Variants in TBC1D22A observed in about 807,000 individuals in gnomAD.
The protein encoded by TBC1D22A is putative GTPase activator.
TBC1D22A carries 38 observed loss-of-function variants against 60.2 expected under a neutral mutation model. The ratio of observed to expected loss-of-function variants is 0.63; its 90% CI spans 0.49 to 0.83. The LOEUF (loss-of-function observed/expected upper bound fraction) is 0.83. TBC1D22A is among the 40% of genes least tolerant of loss of function. The probability of loss-of-function intolerance (pLI) is 0.00; values close to 1 mark genes in which losing one functional copy is unlikely to be tolerated. For synonymous variants in TBC1D22A, 302 were observed against 281.7 expected, an observed-to-expected ratio of 1.07 and a Z score of -0.72; for missense variants, 628 against 701.0, an observed-to-expected ratio of 0.90 and a Z score of 1.18.
chr22:47,127,509 GCCA>G (rs2147105751), intron 12 of TBC1D22A, among the ~76,000 whole-genome samples: 2 of 151,706 alleles, frequency 1.3e-5, no homozygotes, highest in South Asian at 4.2e-4. Context: ...ACAGGTGTGA[GCCA>G]CCACCACGCC....
chr22:47,121,110 C>T (rs1601580609), intron 12 of TBC1D22A, among the ~76,000 whole-genome samples: 1 of 152,202 alleles, frequency 6.6e-6, no homozygotes, highest in African/African-American at 2.4e-5. Flanking sequence ...CAGTCAGAAA[C>T]CCACATGAGA....
chr22:46,809,828 C>T (rs1200093221), intron 4 of TBC1D22A, among the ~76,000 whole-genome samples: 39 of 152,158 alleles, frequency 2.6e-4, no homozygotes, highest in Admixed American at 2.6e-3. Flanking sequence ...GTGTCCTCCC[C>T]ACCCAGATTT....
At chr22:46,898,964 G>A (rs2068832976) in intron 7 of TBC1D22A, among the ~76,000 whole-genome samples, 1 of 152,124 alleles carries the variant, frequency 6.6e-6, no homozygotes, top group African/African-American at 2.4e-5. Context: ...CTCCCCCTGG[G>A]GGTGCTGATC....
chr22:46,793,468 C>T, intron 2 of TBC1D22A, 33 bp from the exon 3 acceptor site: 4 of 1,608,470 alleles, frequency 2.5e-6, no homozygotes, highest in Non-Finnish European at 3.4e-6. Context: ...AGCCTTCGAG[C>T]ATGTACGAGT....
intron 7 of TBC1D22A, among the ~76,000 whole-genome samples, chr22:46,898,974 C>A (rs780427044): frequency 1.3e-5 from 2 of 152,132 alleles, no homozygotes; most frequent in African/African-American, 2.4e-5. Flanking sequence ...GGGTGCTGAT[C>A]CTCTCCAGGT....
At chr22:46,950,052 G>C (rs1377492323) in intron 8 of TBC1D22A, among the ~76,000 whole-genome samples, 2 of 152,220 alleles carry the variant, frequency 1.3e-5, no homozygotes, top group Non-Finnish European at 2.9e-5. Context: ...GGAACGTACT[G>C]AGACTAGGTT....
intron 11 of TBC1D22A, among the ~76,000 whole-genome samples, chr22:47,046,993 G>A (rs1015388725): frequency 2.0e-5 from 3 of 152,232 alleles, no homozygotes; most frequent in Non-Finnish European, 2.9e-5. Flanking sequence ...TTCAGATGAT[G>A]TATTCATTAA....
chr22:46,997,727 G>C lies in TBC1D22A; in HGVS notation c.1201+18G>C. 6.2e-7 allele frequency: 1 copy of C among 1,612,644 alleles called. No homozygotes were observed. The highest frequency in any genetic ancestry group is 1.1e-5 in the South Asian group (1 of 91,038). On this transcript the variant is annotated intron_variant, in intron 10 of 12. Transcript: ENST00000337137. Reference sequence around the variant, plus strand: ...GATTGATGGTAAGCCAGCTTCCCGCGCAGCCCCTCTCTGTGGGCGGGGGGA... The same window carrying C: ...GATTGATGGTAAGCCAGCTTCCCGCCCAGCCCCTCTCTGTGGGCGGGGGGA...
At chr22:46,950,877 T>C (rs539132408) in intron 8 of TBC1D22A, among the ~76,000 whole-genome samples, 90 of 152,296 alleles carry the variant, frequency 5.9e-4, no homozygotes, top group Non-Finnish European at 1.1e-3. Flanking sequence ...AGTTTACCAG[T>C]GTAGTTTTAA....
chr22:46,913,825 G>T lies in TBC1D22A; in HGVS notation c.1015+1637G>T, dbSNP rs548077513. 3 of 915,408 alleles carry T rather than the reference G, an allele frequency of 3.3e-6. No individual in the cohort carries two copies. In the African/African-American group the frequency reaches 5.4e-5, roughly 16 times the overall value. 56.7% of individuals were successfully genotyped at this position (915,408 alleles called of 1,614,324 possible). On this transcript the variant is annotated intron_variant, in intron 8 of 12. Coordinates refer to ENST00000337137, the MANE Select transcript of TBC1D22A (RefSeq NM_014346.5). ...CCAACTTCTGTTGTAAGACCTAAGC[G>T]ATTCTTAATGCATTTGCCTGATTAT...
At chr22:47,133,616 C>G (rs147006593) in intron 12 of TBC1D22A, among the ~76,000 whole-genome samples, 214 of 152,288 alleles carry the variant, frequency 1.4e-3, no homozygotes, top group African/African-American at 5.1e-3. Context: ...GTCGTCTGTC[C>G]CCTGTGGGAA....
intron 12 of TBC1D22A, among the ~76,000 whole-genome samples, chr22:47,165,210 CAG>C (rs1010494127): frequency 2.1e-4 from 32 of 152,220 alleles, no homozygotes; most frequent in African/African-American, 6.3e-4. Flanking sequence ...GAGGATGTGT[CAG>C]GGGTAGGGGA....
At chr22:47,067,789 C>T (rs990814232) in intron 11 of TBC1D22A, among the ~76,000 whole-genome samples, 4 of 152,200 alleles carry the variant, frequency 2.6e-5, no homozygotes, top group African/African-American at 7.2e-5. Flanking sequence ...CGCTTGCATA[C>T]GTGCACTCAC....
intron 10 of TBC1D22A, among the ~76,000 whole-genome samples, chr22:47,030,499 GT>G (rs1303160215): frequency 6.6e-6 from 1 of 152,218 alleles, no homozygotes; most frequent in Non-Finnish European, 1.5e-5. Flanking sequence ...GCTGGGAAAA[GT>G]GTTCAACAAA....
chr22:47,153,234 A>G (rs738670), intron 12 of TBC1D22A, among the ~76,000 whole-genome samples: 86,509 of 152,016 alleles, frequency 0.57, 25,160 homozygotes, highest in East Asian at 0.77. Context: ...CCTGAATTCC[A>G]CCCACTGCTT....
intron 8 of TBC1D22A, among the ~76,000 whole-genome samples, chr22:46,936,284 G>C (rs1344246664): frequency 1.3e-5 from 2 of 151,592 alleles, no homozygotes; most frequent in Non-Finnish European, 3.0e-5. Context: ...GCTCCTCGCG[G>C]TTCTGCACGC....
rs368926916 is a variant in TBC1D22A, at chr22:47,154,296, G to A, written c.1426-19202G>A. On this transcript the variant is annotated intron_variant, in intron 12 of 12. Coordinates refer to ENST00000337137, the MANE Select transcript of TBC1D22A (RefSeq NM_014346.5). The stretch of plus-strand genomic sequence containing the variant: ...GTGTCCTGGTATGGCCCTGCCACGC[G>A]CTGAGTGAGTCTGAGCCATGAGTGA... Among the ~76,000 whole-genome samples the A allele has an allele frequency of 7.2e-5, 11 of 152,288 alleles. No homozygotes were observed. The East Asian group carries it at 1.4e-3, about 19-fold the overall frequency.
intron 10 of TBC1D22A, among the ~76,000 whole-genome samples, chr22:47,011,701 T>C (rs1180809825): frequency 6.6e-6 from 1 of 152,242 alleles, no homozygotes; most frequent in East Asian, 1.9e-4. Context: ...TTCTCTGTTG[T>C]TACTTTTGTC....
At chr22:46,911,688 T>A (rs58030569) in intron 7 of TBC1D22A, among the ~76,000 whole-genome samples, 1 of 152,088 alleles carries the variant, frequency 6.6e-6, no homozygotes, top group African/African-American at 2.4e-5. Context: ...GAGGCTGAGG[T>A]GGGTGGATCA....
Sources: allele counts gnomAD v4.1 joint callset (sites outside exome capture counted in the v4.1 genomes callset), GRCh38; gene constraint gnomAD v4.1.1; transcripts MANE v1.5; gene names NCBI Gene and HGNC (gene_info 2026-07-23, HGNC 2026-07-21).